GASK1A: variants seen among roughly 807,000 people sequenced by gnomAD.
The protein encoded by GASK1A is golgi associated kinase 1A, also known as Golgi-associated kinase 1A.
Under a neutral mutation model 41.2 loss-of-function variants are expected in GASK1A, and 40 were observed. The ratio of observed to expected loss-of-function variants is 0.97; its 90% CI spans 0.75 to 1.27. The LOEUF is 1.27. Among genes scored for constraint, GASK1A ranks in the 50% most tolerant of loss-of-function variants. The pLI, the probability that GASK1A is intolerant of heterozygous loss-of-function variation, is 0.00. For synonymous variants in GASK1A, 316 were observed against 307.1 expected, an observed-to-expected ratio of 1.03 and a Z score of -0.30; for missense variants, 678 against 745.1, an observed-to-expected ratio of 0.91 and a Z score of 1.05.
intron 2 of GASK1A, among the ~76,000 whole-genome samples, chr3:43,048,691 C>T (rs183237739): frequency 2.0e-5 from 3 of 152,290 alleles, no homozygotes; most frequent in South Asian, 2.1e-4. Flanking sequence ...TTGAAGCTTG[C>T]TCCTGGAGGC....
intron 1 of GASK1A, among the ~76,000 whole-genome samples, chr3:43,013,093 T>A (rs892519336): frequency 7.2e-6 from 1 of 138,804 alleles, no homozygotes; most frequent in Non-Finnish European, 1.5e-5. Flanking sequence ...GAAGGGGCAG[T>A]GGAAAGTCAC....
At chr3:43,002,140 C>T (rs2089412757) in intron 1 of GASK1A, among the ~76,000 whole-genome samples, 2 of 152,188 alleles carry the variant, frequency 1.3e-5, no homozygotes, top group African/African-American at 4.8e-5. Flanking sequence ...TTCGTCTTCC[C>T]AGAATCCTCC....
At chr3:42,986,312 T>A (rs1044783061) in intron 1 of GASK1A, among the ~76,000 whole-genome samples, 2 of 151,796 alleles carry the variant, frequency 1.3e-5, no homozygotes, top group African/African-American at 4.8e-5. Flanking sequence ...GTTGCAGGGG[T>A]TAGGGGTAGA....
intron 1 of GASK1A, among the ~76,000 whole-genome samples, chr3:42,989,135 A>G (rs141634466): frequency 6.6e-6 from 1 of 152,194 alleles, no homozygotes; most frequent in Non-Finnish European, 1.5e-5. Flanking sequence ...TACAAAGGAG[A>G]TGAATGAACT....
At position 43,033,458 on chromosome 3, in the gene GASK1A, C is replaced by G. The variant is rs1023945098; in HGVS notation, c.1195C>G (p.Leu399Val). Reference protein sequence around the residue: ...ALGWLQYQALLAHSCNWPGQA... With the variant: ...ALGWLQYQALVAHSCNWPGQA... ...GGGCTGGCTGCAGTATCAGGCCCTG[C>G]TGGCACACAGCTGCAACTGGCCAGG... Residue 399 changes from leucine to valine, a missense_variant, in exon 2 of 5, where the codon CTG (leucine) becomes GTG (valine). Coordinates refer to ENST00000430121, the MANE Select transcript of GASK1A (RefSeq NM_001129908.3). 3.2e-6 allele frequency: 5 copies of G among 1,551,110 alleles called. No homozygotes were observed. Among genetic ancestry groups the G allele is most frequent in the Admixed American group, 2.0e-5 (1 of 51,012 alleles).
chr3:43,023,963 G>A (rs1211663661), intron 1 of GASK1A, among the ~76,000 whole-genome samples: 1 of 152,152 alleles, frequency 6.6e-6, no homozygotes, highest in South Asian at 2.1e-4. Flanking sequence ...GGTGGGGACC[G>A]GCAGTACACA....
At chr3:43,034,796 C>G (rs747587642) in intron 2 of GASK1A, among the ~76,000 whole-genome samples, 1 of 152,162 alleles carries the variant, frequency 6.6e-6, no homozygotes, top group Non-Finnish European at 1.5e-5. Flanking sequence ...TCCTTCATTC[C>G]CATATAGCAG....
rs2089301046 is a variant in GASK1A, at chr3:42,984,910, T to A, written c.3+5265T>A. Among the ~76,000 whole-genome samples, 1 of 152,206 alleles carries A rather than the reference T, an allele frequency of 6.6e-6. No individual in the cohort carries two copies. Among genetic ancestry groups the A allele is most frequent in the African/African-American group, 2.4e-5 (1 of 41,450 alleles). The stretch of plus-strand genomic sequence containing the variant: ...GAGCTAGGTTGTAAGGTCATCGTTG[T>A]CTTGAGATACTCTCCAGGTGGGAAA... On this transcript the variant is annotated intron_variant, in intron 1 of 4. Coordinates refer to ENST00000430121, the MANE Select transcript of GASK1A (RefSeq NM_001129908.3). This position sits in a 1 kb window ranked among gnomAD's most constrained non-coding sequence, Gnocchi z 4.2.
intron 3 of GASK1A, among the ~76,000 whole-genome samples, chr3:43,054,770 G>A (rs2089708103): frequency 1.3e-5 from 2 of 152,202 alleles, no homozygotes; most frequent in South Asian, 4.1e-4. Flanking sequence ...GCTGATTTTG[G>A]TTTTGAAAAG....
At chr3:43,024,384 A>T (rs999399266) in intron 1 of GASK1A, among the ~76,000 whole-genome samples, 4 of 152,120 alleles carry the variant, frequency 2.6e-5, no homozygotes, top group African/African-American at 7.2e-5. Flanking sequence ...TGCCCATCTC[A>T]GCTCCTGTGG....
At position 43,057,430 on chromosome 3, in the gene GASK1A, TG is replaced by T. The variant is rs1193789885; in HGVS notation, c.*1045del. The T allele has an allele frequency of 1.3e-5, 2 of 152,168 alleles. No homozygotes were observed. Among genetic ancestry groups the T allele is most frequent in the African/African-American group, 4.8e-5 (2 of 41,436 alleles). 9.4% of individuals were successfully genotyped at this position (152,168 alleles called of 1,614,324 possible). A position where few individuals can be genotyped will look rare whatever the true frequency, so the allele number is the denominator to read the frequency against. ...CATTTCTCCCAAGAGGGTAGGAGAC[TG>T]ATTATTTTTCTACACCTTCACCAAC... On this transcript the variant is annotated 3_prime_UTR_variant, in exon 5 of 5. Coordinates refer to ENST00000430121, the MANE Select transcript of GASK1A (RefSeq NM_001129908.3).
intron 1 of GASK1A, among the ~76,000 whole-genome samples, chr3:43,022,475 C>T (rs2089527112): frequency 6.7e-6 from 1 of 148,820 alleles, no homozygotes; most frequent in Non-Finnish European, 1.5e-5. Context: ...GAATTCAACA[C>T]ATTTTTCATT....
At chr3:43,040,062 A>C (rs1051482448) in intron 2 of GASK1A, among the ~76,000 whole-genome samples, 54 of 152,216 alleles carry the variant, frequency 3.5e-4, no homozygotes, top group African/African-American at 1.2e-3. Flanking sequence ...TCTGATTTTT[A>C]CGTTCGTGTG....
rs1023370746 is a variant in GASK1A, at chr3:42,984,519, G to A, written c.3+4874G>A. The stretch of plus-strand genomic sequence containing the variant: ...TGGAAGGTGCTTTATAATAGCATCT[G>A]GTGAATCCTGGGGTCAAGGAGGCTA... On this transcript the variant is annotated intron_variant, in intron 1 of 4. Transcript: ENST00000430121. The surrounding 1 kb of genome is among the most constrained non-coding windows in gnomAD (Gnocchi z 4.2). Among the ~76,000 whole-genome samples, 3 of 152,098 alleles carry A rather than the reference G, an allele frequency of 2.0e-5. No homozygotes were observed. Among genetic ancestry groups the A allele is most frequent in the Non-Finnish European group, 4.4e-5 (3 of 68,024 alleles).
chr3:42,999,890 T>C (rs1334976471), intron 1 of GASK1A, among the ~76,000 whole-genome samples: 2 of 152,214 alleles, frequency 1.3e-5, no homozygotes, highest in African/African-American at 4.8e-5. Flanking sequence ...AATTCCTCTA[T>C]CTTCAGAGAC....
chr3:43,013,616 TG>T (rs1490625687), intron 1 of GASK1A, among the ~76,000 whole-genome samples: 1 of 149,894 alleles, frequency 6.7e-6, no homozygotes, highest in Non-Finnish European at 1.5e-5. Context: ...GAAGGGACAG[TG>T]GGAAGTCACA....
intron 1 of GASK1A, among the ~76,000 whole-genome samples, chr3:43,030,860 A>G (rs1391635531): frequency 6.6e-6 from 1 of 152,128 alleles, no homozygotes; most frequent in Non-Finnish European, 1.5e-5. Flanking sequence ...TTTGAGAGAA[A>G]GCAGGGGGCT....
chr3:43,049,161 T>C (rs1347992631), intron 2 of GASK1A, among the ~76,000 whole-genome samples: 1 of 152,112 alleles, frequency 6.6e-6, no homozygotes, highest in Non-Finnish European at 1.5e-5. Flanking sequence ...AGATTGATTC[T>C]CTTACAGGAA....
At chr3:43,051,064 T>A (rs770563681) in intron 2 of GASK1A, among the ~76,000 whole-genome samples, 2 of 152,234 alleles carry the variant, frequency 1.3e-5, no homozygotes, top group Non-Finnish European at 2.9e-5. Context: ...CATACTTTGT[T>A]TCTTTGACTG....
Sources: allele counts gnomAD v4.1 joint callset (sites outside exome capture counted in the v4.1 genomes callset), GRCh38; gene constraint gnomAD v4.1.1; non-coding constraint Gnocchi (gnomAD v3.1); transcripts MANE v1.5; gene names NCBI Gene and HGNC (gene_info 2026-07-23, HGNC 2026-07-21).